The following RSRC1 variants were observed in gnomAD, a reference collection of about 807,000 sequenced individuals.
RSRC1 encodes arginine and serine rich coiled-coil 1, also known as serine/Arginine-related protein 53.
In RSRC1, 39 loss-of-function variants were observed where a neutral mutation model predicts 49.1. That is an observed-to-expected ratio of 0.79 (90% CI 0.61 to 1.04). The LOEUF (loss-of-function observed/expected upper bound fraction) is 1.04. Among genes scored for constraint, RSRC1 ranks in the 50% least tolerant of loss-of-function variants. The pLI, the probability that RSRC1 is intolerant of heterozygous loss-of-function variation, is 0.00. For synonymous variants in RSRC1, 143 were observed against 130.8 expected, an observed-to-expected ratio of 1.09 and a Z score of -0.63; for missense variants, 388 against 402.4, an observed-to-expected ratio of 0.96 and a Z score of 0.31.
At chr3:158,264,130 C>T (rs1430681222) in intron 4 of RSRC1, among the ~76,000 whole-genome samples, 1 of 152,040 alleles carries the variant, frequency 6.6e-6, no homozygotes, top group African/African-American at 2.4e-5. Context: ...AAGCTGAAAC[C>T]TTGATTTCCA....
chr3:158,199,651 T>G (rs1720909547), intron 3 of RSRC1, among the ~76,000 whole-genome samples: 1 of 152,210 alleles, frequency 6.6e-6, no homozygotes, highest in African/African-American at 2.4e-5. Flanking sequence ...CATTTAAAAC[T>G]ATAAATTTCT....
At chr3:158,363,380 T>G (rs965304798) in intron 6 of RSRC1, among the ~76,000 whole-genome samples, 2 of 151,916 alleles carry the variant, frequency 1.3e-5, no homozygotes, top group Non-Finnish European at 2.9e-5. Context: ...TCTCCTGCCT[T>G]AGCCTCCCAA....
intron 7 of RSRC1, among the ~76,000 whole-genome samples, chr3:158,517,899 G>A (rs1740663328): frequency 6.8e-6 from 1 of 147,744 alleles, no homozygotes; most frequent in African/African-American, 2.5e-5. Context: ...ATCACACCCA[G>A]CTGACTTTAG....
intron 3 of RSRC1, among the ~76,000 whole-genome samples, chr3:158,141,266 A>G (rs1013387504): frequency 3.3e-5 from 5 of 152,170 alleles, no homozygotes; most frequent in Admixed American, 3.3e-4. Flanking sequence ...TCATGGCAGG[A>G]AAATCTGGTT....
At chr3:158,331,014 T>C (rs780249638) in intron 5 of RSRC1, among the ~76,000 whole-genome samples, 1 of 152,048 alleles carries the variant, frequency 6.6e-6, no homozygotes, top group Non-Finnish European at 1.5e-5. Context: ...ACAGAGAGCA[T>C]GTGCAGGGGA....
At chr3:158,174,464 A>G (rs539672157) in intron 3 of RSRC1, among the ~76,000 whole-genome samples, 11 of 152,118 alleles carry the variant, frequency 7.2e-5, no homozygotes, top group Admixed American at 5.2e-4. Flanking sequence ...AATACTACTG[A>G]GGTCAAGAAT....
At chr3:158,492,453 TTGAC>T (rs1033662973) in intron 7 of RSRC1, among the ~76,000 whole-genome samples, 46 of 152,356 alleles carry the variant, frequency 3.0e-4, no homozygotes, top group African/African-American at 1.1e-3. Flanking sequence ...AAGCTACTAT[TTGAC>T]TGTTTTAGTT....
At chr3:158,333,643 G>A (rs2045515458) in intron 5 of RSRC1, among the ~76,000 whole-genome samples, 1 of 152,114 alleles carries the variant, frequency 6.6e-6, no homozygotes, top group South Asian at 2.1e-4. Flanking sequence ...TGAGGACAAA[G>A]CTTCAAAAAA....
At position 158,318,049 on chromosome 3, in the gene RSRC1, T is replaced by G. The variant is rs185360179; in HGVS notation, c.531+19974T>G. On this transcript the variant is annotated intron_variant, in intron 5 of 9. Coordinates refer to ENST00000611884, the MANE Select transcript of RSRC1 (RefSeq NM_001271838.2). The stretch of plus-strand genomic sequence containing the variant: ...TGCGTGTGTGTGTGTGTGTGTGTGT[T>G]TGTTTTTGGCGATTTTTAAAATAGC... Among the ~76,000 whole-genome samples, 1,275 of 148,050 alleles carry G rather than the reference T, an allele frequency of 8.6e-3. 21 individuals carry two copies. The highest frequency in any genetic ancestry group is 8.7e-3 in the Non-Finnish European group (584 of 66,842).
At chr3:158,389,954 T>C (rs1429546683) in intron 6 of RSRC1, among the ~76,000 whole-genome samples, 1 of 152,230 alleles carries the variant, frequency 6.6e-6, no homozygotes, top group African/African-American at 2.4e-5. Context: ...ACTATTGTTT[T>C]AGGGCTTTCT....
chr3:158,440,379 T>C (rs1052189329), intron 6 of RSRC1, among the ~76,000 whole-genome samples: 2 of 152,068 alleles, frequency 1.3e-5, no homozygotes, highest in African/African-American at 4.8e-5. Flanking sequence ...ATGATGCTGT[T>C]CCAAGTCAAT....
chr3:158,175,863 G>A (rs1719178056), intron 3 of RSRC1, among the ~76,000 whole-genome samples: 2 of 151,672 alleles, frequency 1.3e-5, no homozygotes, highest in South Asian at 4.2e-4. Context: ...TCATTAATTT[G>A]ATCTTCAGTC....
chr3:158,170,808 C>T (rs1460525314), intron 3 of RSRC1, among the ~76,000 whole-genome samples: 4 of 151,938 alleles, frequency 2.6e-5, no homozygotes, highest in Admixed American at 6.6e-5. Context: ...TCATTTTTCC[C>T]ATCTTTTCTC....
chr3:158,237,858 G>C (rs921475919), intron 4 of RSRC1, among the ~76,000 whole-genome samples: 8 of 152,156 alleles, frequency 5.3e-5, no homozygotes, highest in African/African-American at 1.9e-4. Flanking sequence ...TAGGAGTCGT[G>C]AGAGAGGGCA....
intron 5 of RSRC1, among the ~76,000 whole-genome samples, chr3:158,320,707 C>G (rs1728708695): frequency 6.6e-6 from 1 of 152,142 alleles, no homozygotes; most frequent in Non-Finnish European, 1.5e-5. Context: ...TACCTAACTT[C>G]AAGAGTAGGG....
chr3:158,451,576 A>AT (rs1737035255), intron 6 of RSRC1, among the ~76,000 whole-genome samples: 1 of 152,054 alleles, frequency 6.6e-6, no homozygotes, highest in Non-Finnish European at 1.5e-5. Context: ...AGTACTTAAC[A>AT]TGAAACTTCA....
At chr3:158,133,589 CAAT>C (rs1423290322) in intron 3 of RSRC1, among the ~76,000 whole-genome samples, 1 of 152,118 alleles carries the variant, frequency 6.6e-6, no homozygotes, top group Non-Finnish European at 1.5e-5. Flanking sequence ...TTTTTAAAGA[CAAT>C]AATTCGTCTG....
chr3:158,406,721 ATC>A (rs1429702775), intron 6 of RSRC1, among the ~76,000 whole-genome samples: 2 of 152,146 alleles, frequency 1.3e-5, no homozygotes, highest in Non-Finnish European at 2.9e-5. Flanking sequence ...CATTAGAATC[ATC>A]TCTTTTGCTT....
At chr3:158,286,666 A>T (rs1039454103) in intron 4 of RSRC1, among the ~76,000 whole-genome samples, 37 of 152,228 alleles carry the variant, frequency 2.4e-4, no homozygotes, top group African/African-American at 8.4e-4. Flanking sequence ...TTAGATGCTT[A>T]CCTGATTAAA....
Sources: allele counts gnomAD v4.1 joint callset (sites outside exome capture counted in the v4.1 genomes callset), GRCh38; gene constraint gnomAD v4.1.1; transcripts MANE v1.5; gene names NCBI Gene and HGNC (gene_info 2026-07-23, HGNC 2026-07-21).